The following ATP8A2 variants were observed in gnomAD, a reference collection of about 807,000 sequenced individuals.
ATP8A2 encodes the protein ATPase phospholipid transporting 8A2.
Under a neutral mutation model 165.6 loss-of-function variants are expected in ATP8A2, and 100 were observed. The ratio of observed to expected loss-of-function variants is 0.60; its 90% CI spans 0.51 to 0.71. ATP8A2 has a LOEUF of 0.71. Ranked by LOEUF, ATP8A2 falls within the 30% of genes least tolerant of loss-of-function variation. The pLI is 0.00. For synonymous variants in ATP8A2, 543 were observed against 548.8 expected (o/e 0.99, Z 0.15); for missense variants, 1,227 against 1,479.5 (o/e 0.83, Z 2.80).
chr13:25,781,268 C>CA (rs34609287), intron 27 of ATP8A2, among the ~76,000 whole-genome samples: 27 of 144,614 alleles, frequency 1.9e-4, no homozygotes, highest in South Asian at 4.4e-4. Context: ...GACTGCGTCT[C>CA]AAAAAAAAAA....
intron 25 of ATP8A2, among the ~76,000 whole-genome samples, chr13:25,749,512 T>C (rs549692958): frequency 6.6e-6 from 1 of 151,736 alleles, no homozygotes; most frequent in African/African-American, 2.4e-5. Context: ...GGAGGGGGTG[T>C]AGGCAGCAGG....
At chr13:25,573,786 T>G (rs1194239550) in intron 18 of ATP8A2, among the ~76,000 whole-genome samples, 1 of 152,074 alleles carries the variant, frequency 6.6e-6, no homozygotes. Context: ...GAAAGGGAAC[T>G]CGGAACTCGT....
At chr13:25,674,011 C>T (rs142747423) in intron 24 of ATP8A2, among the ~76,000 whole-genome samples, 86 of 152,290 alleles carry the variant, frequency 5.6e-4, no homozygotes, top group African/African-American at 2.0e-3. Context: ...AGTGTGATTG[C>T]AGTCATGGAA....
intron 16 of ATP8A2, among the ~76,000 whole-genome samples, chr13:25,566,576 T>C (rs2039320898): frequency 6.6e-6 from 1 of 152,116 alleles, no homozygotes; most frequent in Non-Finnish European, 1.5e-5. Context: ...CTGCTCTTGG[T>C]CCAGTTTCAC....
At chr13:25,574,285 C>T (rs965297185) in intron 18 of ATP8A2, among the ~76,000 whole-genome samples, 1 of 152,104 alleles carries the variant, frequency 6.6e-6, no homozygotes, top group African/African-American at 2.4e-5. Context: ...CTTTGAATTC[C>T]AAAAGATTTT....
intron 24 of ATP8A2, among the ~76,000 whole-genome samples, chr13:25,593,620 G>C (rs1410483094): frequency 7.9e-5 from 12 of 152,124 alleles, no homozygotes; most frequent in Non-Finnish European, 1.8e-4. Flanking sequence ...CGTAAGGATT[G>C]CCACTGGCAT....
intron 24 of ATP8A2, among the ~76,000 whole-genome samples, chr13:25,604,576 ATT>A (rs2040468959): frequency 6.6e-6 from 1 of 152,246 alleles, no homozygotes; most frequent in Non-Finnish European, 1.5e-5. Flanking sequence ...TAAAATGAAT[ATT>A]CTTTCTTTTA....
intron 25 of ATP8A2, among the ~76,000 whole-genome samples, chr13:25,756,961 C>G (rs1017019528): frequency 1.3e-5 from 2 of 152,176 alleles, no homozygotes; most frequent in Admixed American, 1.3e-4. Flanking sequence ...AGCCCCTGTA[C>G]AGCCCATCCC....
chr13:25,488,573 T>C (rs75090350), intron 2 of ATP8A2, among the ~76,000 whole-genome samples: 7,340 of 152,172 alleles, frequency 0.048, 274 homozygotes, highest in Non-Finnish European at 0.069. Context: ...CCTTTCTTTA[T>C]GAAAAATACA....
intron 7 of ATP8A2, 77 bp downstream of exon 7, chr13:25,538,138 C>G: frequency 3.0e-6 from 3 of 1,008,324 alleles, no homozygotes; most frequent in Non-Finnish European, 4.6e-6. Flanking sequence ...CTGGGGCAGT[C>G]TTGAGCAGCC....
chr13:25,774,801 A>T, intron 26 of ATP8A2, 48 bp from the exon 27 acceptor site: 5 of 1,100,830 alleles, frequency 4.5e-6, no homozygotes, highest in Non-Finnish European at 6.9e-6. Context: ...TGTGACTTTT[A>T]TTCCTCAATG....
intron 1 of ATP8A2, among the ~76,000 whole-genome samples, chr13:25,415,395 C>T (rs2034103095): frequency 1.3e-5 from 2 of 152,196 alleles, no homozygotes; most frequent in African/African-American, 4.8e-5. Context: ...CTGGGCCAAG[C>T]CACTGTCATC....
chr13:25,686,293 G>A (rs2042599599), intron 24 of ATP8A2, among the ~76,000 whole-genome samples: 1 of 152,210 alleles, frequency 6.6e-6, no homozygotes, highest in South Asian at 2.1e-4. Flanking sequence ...TGCGTCACGG[G>A]CCTGAGGGGC....
At chr13:25,815,952 T>C (rs1034429469) in intron 27 of ATP8A2, among the ~76,000 whole-genome samples, 2 of 152,220 alleles carry the variant, frequency 1.3e-5, no homozygotes, top group African/African-American at 4.8e-5. Context: ...TATTGCATGA[T>C]TTCATAGAGG....
chr13:25,886,593 C>G (rs151234827), intron 33 of ATP8A2, among the ~76,000 whole-genome samples: 171 of 152,342 alleles, frequency 1.1e-3, no homozygotes, highest in Middle Eastern at 6.8e-3. Context: ...GCGCTGGATG[C>G]CGACAGCACG....
At chr13:25,891,012 T>C (rs1234485163) in intron 33 of ATP8A2, among the ~76,000 whole-genome samples, 1 of 152,206 alleles carries the variant, frequency 6.6e-6, no homozygotes, top group African/African-American at 2.4e-5. Flanking sequence ...ACGAGTGCTC[T>C]GTCAAGCTGT....
At chr13:25,677,565 C>T (rs1469709966) in intron 24 of ATP8A2, among the ~76,000 whole-genome samples, 2 of 151,670 alleles carry the variant, frequency 1.3e-5, no homozygotes, top group Non-Finnish European at 2.9e-5. Flanking sequence ...CTTGGACAGA[C>T]AGGAGGTAGT....
chr13:25,756,725 A>T (rs79093927), intron 25 of ATP8A2, among the ~76,000 whole-genome samples: 1 of 152,246 alleles, frequency 6.6e-6, no homozygotes, highest in Non-Finnish European at 1.5e-5. Flanking sequence ...ACAGCAGCCA[A>T]TGCGTGGAAA....
chr13:25,698,336 T>G (rs2042879093), intron 24 of ATP8A2, among the ~76,000 whole-genome samples: 1 of 151,692 alleles, frequency 6.6e-6, no homozygotes, highest in Non-Finnish European at 1.5e-5. Flanking sequence ...TCCTCCCACC[T>G]CAGCCTCCAG....
Sources: allele counts gnomAD v4.1 joint callset (sites outside exome capture counted in the v4.1 genomes callset), GRCh38; gene constraint gnomAD v4.1.1; transcripts MANE v1.5; gene names NCBI Gene and HGNC (gene_info 2026-07-23, HGNC 2026-07-21).